Variants in SACS observed in about 807,000 individuals in gnomAD.
SACS encodes sacsin molecular chaperone, also known as sacsin.
A neutral mutation model predicts 348.0 loss-of-function variants in SACS; 197 were observed. The ratio of observed to expected loss-of-function variants is 0.57; its 90% confidence interval spans 0.50 to 0.64. SACS has a LOEUF of 0.64. Among genes scored for constraint, SACS ranks in the 30% least tolerant of loss-of-function variants. The pLI is 0.00. For synonymous variants in SACS, 1,985 were observed against 1,910.6 expected (o/e 1.04, Z -1.02); for missense variants, 4,999 against 5,360.8 (o/e 0.93, Z 2.11).
At chr13:23,404,337 A>T (rs1177668872) in intron 2 of SACS, among the ~76,000 whole-genome samples, 3 of 152,240 alleles carry the variant, frequency 2.0e-5, no homozygotes, top group Admixed American at 6.5e-5. Context: ...GATTATCTCA[A>T]TAGATGCAGA....
intron 2 of SACS, among the ~76,000 whole-genome samples, chr13:23,380,467 A>G (rs1203763517): frequency 6.6e-6 from 1 of 152,184 alleles, no homozygotes; most frequent in African/African-American, 2.4e-5. Flanking sequence ...AATAATAGCC[A>G]CAAAATCATT....
Position 23,355,689 on chromosome 13 carries a change from AG to A in SACS, c.922del (p.Leu308SerfsTer3). 1.9e-6 allele frequency: 3 copies of A among 1,614,200 alleles called. No individual in the cohort carries two copies. Among genetic ancestry groups the A allele is most frequent in the Non-Finnish European group, 2.5e-6 (3 of 1,180,038 alleles). ...SFRADADTVL[L>X]FLKSVQDVSL... Reference sequence around the variant, plus strand: ...AACATCCTGCACACTTTTCAGAAAGAGCAGCACTGTGTCTGCATCTGCCCTA... The same window carrying A: ...AACATCCTGCACACTTTTCAGAAAGACAGCACTGTGTCTGCATCTGCCCTA... On this transcript the variant is annotated frameshift_variant, in exon 8 of 10. Transcript: ENST00000382292. LOFTEE classifies it high-confidence loss of function.
intron 2 of SACS, among the ~76,000 whole-genome samples, chr13:23,410,683 T>C (rs900492585): frequency 6.6e-6 from 1 of 151,950 alleles, no homozygotes. Flanking sequence ...TAAATATACA[T>C]ACTTTTTTTT....
chr13:23,412,481 T>A (rs900516677), intron 1 of SACS, among the ~76,000 whole-genome samples: 4 of 149,724 alleles, frequency 2.7e-5, no homozygotes, highest in African/African-American at 9.8e-5. Flanking sequence ...TGGCATGATC[T>A]TGGCTCACTG....
chr13:23,385,654 G>C lies in SACS; in HGVS notation c.21-10385C>G, dbSNP rs534827044. Among the ~76,000 whole-genome samples, 16 of 152,198 alleles carry C rather than the reference G, an allele frequency of 1.1e-4. No homozygotes were observed. In the South Asian group the frequency reaches 3.3e-3, roughly 32 times the overall value. On this transcript the variant is annotated intron_variant, in intron 2 of 9. Transcript: ENST00000382292. ...ACTACAGGCATGAGCCACAGCACCT[G>C]GCCAATCATGGATGTTCTTAATGGA...
At chr13:23,407,136 A>G (rs9805694) in intron 2 of SACS, among the ~76,000 whole-genome samples, 59,754 of 152,144 alleles carry the variant, frequency 0.39, 12,518 homozygotes, top group East Asian at 0.55. Flanking sequence ...CTGTAAGCCC[A>G]ACATCTAGAC....
chr13:23,380,263 C>G (rs1381055779), intron 2 of SACS, among the ~76,000 whole-genome samples: 4 of 152,086 alleles, frequency 2.6e-5, no homozygotes, highest in Non-Finnish European at 5.9e-5. Flanking sequence ...CAGCACTTAC[C>G]ATTCTCACCG....
chr13:23,333,045 C>T lies in SACS; in HGVS notation c.10831G>A (p.Ala3611Thr). The change falls in exon 10 of 10, where the codon GCT (alanine) becomes ACT (threonine). Residue 3611 changes from alanine (A) to threonine (T), a missense_variant. Transcript: ENST00000382292. The stretch of plus-strand genomic sequence containing the variant: ...TCTTTGGACCAGTTTTCTGTATTAG[C>T]CCTCACACTGATTTCCTTAGCAAAC... ...LQFAKEISVR[A>T]NTENWSKETL... 11 of 1,613,982 alleles carry T rather than the reference C, an allele frequency of 6.8e-6. No homozygotes were observed. The highest frequency in any genetic ancestry group is 9.3e-6 in the Non-Finnish European group (11 of 1,179,920).
At chr13:23,406,451 C>A (rs891005576) in intron 2 of SACS, among the ~76,000 whole-genome samples, 2 of 152,106 alleles carry the variant, frequency 1.3e-5, no homozygotes, top group Non-Finnish European at 2.9e-5. Flanking sequence ...ATGGGTGCAG[C>A]AAACCACCAT....
Position 23,355,457 on chromosome 13 carries a change from C to A in SACS, c.1155G>T (p.Lys385Asn), listed in dbSNP as rs1489092168. The change falls in exon 8 of 10, where the codon AAG becomes AAT. Residue 385 changes from lysine to asparagine, a missense_variant. Transcript: ENST00000382292. The part of the protein sequence containing the change: ...VNIVLEEEST[K>N]DAQKTSWLVC... ...CCAACCAAGATGTTTTCTGTGCATCCTTAGTACTCTCCTCTTCTAAAACAA... is the reference window on the plus strand; with the variant it reads ...CCAACCAAGATGTTTTCTGTGCATCATTAGTACTCTCCTCTTCTAAAACAA... The A allele has an allele frequency of 1.2e-6, 2 of 1,614,094 alleles. No homozygotes were observed. Among genetic ancestry groups the A allele is most frequent in the Non-Finnish European group, 1.7e-6 (2 of 1,179,992 alleles).
chr13:23,413,576 A>T (rs993992973), intron 1 of SACS, among the ~76,000 whole-genome samples: 55 of 152,308 alleles, frequency 3.6e-4, no homozygotes, highest in African/African-American at 1.1e-3. Flanking sequence ...TGGGGAAAAA[A>T]AGGAATGTAG....
At position 23,340,516 on chromosome 13, in the gene SACS, A is replaced by C; in HGVS notation, c.3360T>G (p.Asp1120Glu). Residue 1120 changes from aspartate (D) to glutamate (E), a missense_variant, in exon 10 of 10, where the codon GAT becomes GAG. Transcript: ENST00000382292. Reference sequence around the variant, plus strand: ...TGGCTTTCTTCAGAAGAACATCTTGATCAGGACAAGCACCGACCTGTAAGG... The same window carrying C: ...TGGCTTTCTTCAGAAGAACATCTTGCTCAGGACAAGCACCGACCTGTAAGG... ...IEALQVGACP[D>E]QDVLLKKAKT... 1 of 1,611,592 alleles carries C rather than the reference A, an allele frequency of 6.2e-7. No homozygotes were observed. Among genetic ancestry groups the C allele is most frequent in the Non-Finnish European group, 8.5e-7 (1 of 1,179,112 alleles).
Position 23,338,052 on chromosome 13 carries a change from A to G in SACS, c.5824T>C (p.Tyr1942His), listed in dbSNP as rs769883647. Residue 1942 changes from tyrosine to histidine, a missense_variant, in exon 10 of 10, where the codon TAC (tyrosine) becomes CAC (histidine). This residue lies in a region of SACS where 3,156 missense variants were observed against 3,380.1 expected (regional missense o/e 0.93). Transcript: ENST00000382292. The part of the protein sequence containing the change: ...ATSGELMDYT[Y>H]YAVWPDPDLV... ...TCAGGATCGGGCCATACTGCATAGT[A>G]AGTATAATCCATTAGCTCCCCACTA... 3.7e-6 allele frequency: 6 copies of G among 1,613,846 alleles called. No individual in the cohort carries two copies. Among genetic ancestry groups the G allele is most frequent in the Non-Finnish European group, 5.1e-6 (6 of 1,179,850 alleles).
chr13:23,341,064 T>C lies in SACS; in HGVS notation c.2812A>G (p.Ile938Val), dbSNP rs1351854189. The C allele has an allele frequency of 1.9e-6, 3 of 1,614,130 alleles. No homozygotes were observed. The highest frequency in any genetic ancestry group is 1.1e-5 in the South Asian group (1 of 91,084). ...KRINHSSDQG[I>V]SSYTKLKGCK... ...CCTTTCAATTTTGTATAAGAGGAAA[T>C]TCCCTGATCAGAAGAATGGTTAATG... Residue 938 changes from isoleucine (I) to valine (V), a missense_variant, in exon 10 of 10, where the codon ATT becomes GTT. By Grantham distance (29) the Ile-to-Val change is conservative. This residue lies in a region of SACS where 3,156 missense variants were observed against 3,380.1 expected (regional missense o/e 0.93). Coordinates refer to ENST00000382292, the MANE Select transcript of SACS (RefSeq NM_014363.6).
rs1868888608 is a variant in SACS, at chr13:23,338,616, G to A, written c.5260C>T (p.Pro1754Ser). 1 of 1,614,104 alleles carries A rather than the reference G, an allele frequency of 6.2e-7. No individual in the cohort carries two copies. The highest frequency in any genetic ancestry group is 1.1e-5 in the South Asian group (1 of 91,076). ...SSNKKLPSDEPKSSCILQITV... is the reference protein window; with the variant it reads ...SSNKKLPSDESKSSCILQITV... ...ATCTGAAGAATGCAAGATGACTTTGGTTCATCACTGGGAAGCTTTTTATTA... is the reference window on the plus strand; with the variant it reads ...ATCTGAAGAATGCAAGATGACTTTGATTCATCACTGGGAAGCTTTTTATTA... Residue 1754 changes from proline (P) to serine (S), a missense_variant, in exon 10 of 10, where the codon CCA becomes TCA. This residue lies in a region of SACS where 3,156 missense variants were observed against 3,380.1 expected (regional missense o/e 0.93). Coordinates refer to ENST00000382292, the MANE Select transcript of SACS (RefSeq NM_014363.6).
In SACS at chr13:23,337,143, G is replaced by C; in HGVS notation, c.6733C>G (p.Leu2245Val). The C allele has an allele frequency of 6.2e-7, 1 of 1,613,970 alleles. No individual in the cohort carries two copies. Among genetic ancestry groups the C allele is most frequent in the Non-Finnish European group, 8.5e-7 (1 of 1,179,912 alleles). Residue 2245 changes from leucine (L) to valine (V), a missense_variant, in exon 10 of 10, where the codon CTT becomes GTT. Leu to Val is a conservative substitution (Grantham distance 32). Around this residue, in one of 6 missense-constraint regions of SACS, gnomAD observed 3,156 missense variants for 3,380.1 expected, o/e 0.93. Coordinates refer to ENST00000382292, the MANE Select transcript of SACS (RefSeq NM_014363.6). ...KPETMFAATD[L>V]YTAEHQDIVC... is the part of the protein sequence containing the mutation. ...ATATCTTGATGTTCAGCTGTATAAAGGTCAGTTGCTGCAAACATGGTTTCA... is the reference window on the plus strand; with the variant it reads ...ATATCTTGATGTTCAGCTGTATAAACGTCAGTTGCTGCAAACATGGTTTCA...
At chr13:23,412,175 C>T (rs1246560235) in intron 1 of SACS, among the ~76,000 whole-genome samples, 2 of 152,008 alleles carry the variant, frequency 1.3e-5, no homozygotes, top group African/African-American at 2.4e-5. Context: ...AGGAGAATGG[C>T]GTGAACCCGG....
At position 23,332,915 on chromosome 13, in the gene SACS, A is replaced by C; in HGVS notation, c.10961T>G (p.Leu3654Ter). The C allele has an allele frequency of 1.2e-6, 2 of 1,613,954 alleles. No homozygotes were observed. Among genetic ancestry groups the C allele is most frequent in the Non-Finnish European group, 1.7e-6 (2 of 1,179,938 alleles). ...FLKELSLIPF[L>*]CPERAPAEFI... is the part of the protein sequence containing the mutation. The stretch of plus-strand genomic sequence containing the variant: ...TTCCGCGGGGGCCCGCTCAGGACAT[A>C]AGAATGGTATTAAAGATAGTTCTTT... The change falls in exon 10 of 10, where the codon TTA (leucine) becomes TGA (stop). Residue 3654 changes from leucine to a stop codon, truncating the protein, a stop_gained. Coordinates refer to ENST00000382292, the MANE Select transcript of SACS (RefSeq NM_014363.6). LOFTEE classifies it high-confidence loss of function.
At chr13:23,357,097 A>T (rs1431284306) in intron 7 of SACS, among the ~76,000 whole-genome samples, 4 of 152,190 alleles carry the variant, frequency 2.6e-5, no homozygotes, top group Non-Finnish European at 5.9e-5. Context: ...CCTCCAGTTA[A>T]TGTTCCACAC....
Sources: gnomAD v4.1 joint callset for allele counts (sites outside exome capture counted in the v4.1 genomes callset) on GRCh38, gnomAD v4.1.1 for gene constraint, gnomAD v4.1.1 regional missense constraint, MANE v1.5 for transcripts, NCBI Gene and HGNC (gene_info 2026-07-23, HGNC 2026-07-21) for gene names.